NCAM1: variants seen among roughly 807,000 people sequenced by gnomAD.
NCAM1 encodes the protein antigen recognized by monoclonal antibody 5.1H11.
A neutral mutation model predicts 109.8 loss-of-function variants in NCAM1; 14 were observed. The observed-to-expected ratio is 0.13, with a 90% CI of 0.08 to 0.20. The LOEUF (loss-of-function observed/expected upper bound fraction) is 0.20, where lower values mean the gene tolerates loss of function less well. Among genes scored for constraint, NCAM1 ranks in the 10% least tolerant of loss-of-function variants. The pLI is 1.00. For synonymous variants in NCAM1, 418 were observed against 442.9 expected, an observed-to-expected ratio of 0.94 and a Z score of 0.70; for missense variants, 774 against 1,109.9, an observed-to-expected ratio of 0.70 and a Z score of 4.30.
At chr11:113,190,465 A>G (rs963394890) in intron 1 of NCAM1, among the ~76,000 whole-genome samples, 2 of 152,174 alleles carry the variant, frequency 1.3e-5, no homozygotes, top group Non-Finnish European at 2.9e-5. Context: ...GCACCGCCCC[A>G]CGGCCACCAT....
At chr11:113,190,054 A>G (rs1943631856) in intron 1 of NCAM1, among the ~76,000 whole-genome samples, 1 of 152,070 alleles carries the variant, frequency 6.6e-6, no homozygotes, top group Admixed American at 6.5e-5. Context: ...TGTTCCCCCA[A>G]CCTCACTACT....
intron 1 of NCAM1, among the ~76,000 whole-genome samples, chr11:113,165,929 C>T (rs1288724862): frequency 6.6e-6 from 1 of 151,876 alleles, no homozygotes; most frequent in Non-Finnish European, 1.5e-5. Context: ...TCTCCTTTCT[C>T]CTGCCTCAGC....
In NCAM1 at chr11:113,018,745, T is replaced by A. The variant is rs528387707; in HGVS notation, c.52+57081T>A. Among the ~76,000 whole-genome samples, 8 of 152,358 alleles carry A rather than the reference T, an allele frequency of 5.3e-5. No individual in the cohort carries two copies. The South Asian group carries it at 1.0e-3, about 20-fold the overall frequency. ...GGTTGTGCTTGGTTTTTAATTTTTT[T>A]AAGTCATTTAAAACAGACATAGTCT... On this transcript the variant is annotated intron_variant, in intron 1 of 19. Coordinates refer to ENST00000316851, the MANE Select transcript of NCAM1 (RefSeq NM_181351.5).
chr11:113,013,357 C>T (rs1429300211), intron 1 of NCAM1, among the ~76,000 whole-genome samples: 4 of 133,144 alleles, frequency 3.0e-5, no homozygotes, highest in African/African-American at 1.1e-4. Context: ...ACCCAGGAGG[C>T]GGAGGGTTGC....
At chr11:113,271,984 G>T in intron 19 of NCAM1, 108 bp downstream of exon 19, 3 of 739,958 alleles carry the variant, frequency 4.1e-6, no homozygotes, top group Non-Finnish European at 6.3e-6. Context: ...CGGCCAAACA[G>T]TTCAGGCCAG....
At chr11:112,971,952 T>G (rs1950894671) in intron 1 of NCAM1, among the ~76,000 whole-genome samples, 1 of 152,162 alleles carries the variant, frequency 6.6e-6, no homozygotes, top group South Asian at 2.1e-4. Flanking sequence ...AAGACACACT[T>G]GTAATGACTT....
intron 9 of NCAM1, 118 bp downstream of exon 9, chr11:113,221,443 G>A (rs1944691636): frequency 9.4e-7 from 1 of 1,063,126 alleles, no homozygotes; most frequent in Admixed American, 2.2e-5. Flanking sequence ...TAAAGAATAG[G>A]TCGATAGTGG....
chr11:113,235,086 G>A lies in NCAM1; in HGVS notation c.1747G>A (p.Ala583Thr), dbSNP rs782328983. Residue 583 changes from alanine to threonine, a missense_variant, in exon 14 of 20, where the codon GCC (alanine) becomes ACC (threonine). Transcript: ENST00000316851. ...GGGCCTGAAGCCCGAAACAACGTACGCCGTAAGGCTGGCGGCGCTCAATGG... is the reference window on the plus strand; with the variant it reads ...GGGCCTGAAGCCCGAAACAACGTACACCGTAAGGCTGGCGGCGCTCAATGG... ...IVGLKPETTYAVRLAALNGKG... is the reference protein window; with the variant it reads ...IVGLKPETTYTVRLAALNGKG... 6.9e-5 allele frequency: 110 copies of A among 1,596,514 alleles called. No individual in the cohort carries two copies. The highest frequency in any genetic ancestry group is 9.1e-5 in the Non-Finnish European group (107 of 1,171,480).
chr11:113,208,363 A>G lies in NCAM1; in HGVS notation c.916+361A>G, dbSNP rs868938163. Reference sequence around the variant, plus strand: ...CAATGGCCTACAAGACCAGAGATGAACTAGCTCCTGCCTTCTTCTCCAGCC... The same window carrying G: ...CAATGGCCTACAAGACCAGAGATGAGCTAGCTCCTGCCTTCTTCTCCAGCC... On this transcript the variant is annotated intron_variant, in intron 7 of 19. Coordinates refer to ENST00000316851, the MANE Select transcript of NCAM1 (RefSeq NM_181351.5). 3.9e-5 allele frequency among the ~76,000 whole-genome samples: 6 copies of G among 152,268 alleles called. No individual in the cohort carries two copies. In the South Asian group the frequency reaches 6.2e-4, roughly 16 times the overall value.
At chr11:113,044,374 C>T (rs1953188112) in intron 1 of NCAM1, among the ~76,000 whole-genome samples, 1 of 152,164 alleles carries the variant, frequency 6.6e-6, no homozygotes, top group Non-Finnish European at 1.5e-5. Context: ...CACACATACA[C>T]ACATACATGC....
At chr11:113,159,579 G>C (rs1591375106) in intron 1 of NCAM1, among the ~76,000 whole-genome samples, 1 of 151,934 alleles carries the variant, frequency 6.6e-6, no homozygotes, top group Non-Finnish European at 1.5e-5. Flanking sequence ...TATCCTTTCA[G>C]ACTTTTTCTG....
At chr11:113,045,051 G>A (rs969923176) in intron 1 of NCAM1, among the ~76,000 whole-genome samples, 3 of 152,206 alleles carry the variant, frequency 2.0e-5, no homozygotes, top group South Asian at 4.1e-4. Flanking sequence ...ACTGCGCCCG[G>A]CCCTTCGCTT....
rs1470222045 is a variant in NCAM1 at position 112,962,315 on chromosome 11, G to A, written c.52+651G>A. On this transcript the variant is annotated intron_variant, in intron 1 of 19. Coordinates refer to ENST00000316851, the MANE Select transcript of NCAM1 (RefSeq NM_181351.5). This position sits in a 1 kb window ranked among gnomAD's most constrained non-coding sequence, Gnocchi z 5.6. ...TAGTTTTTCATTTGCCAAATTGCTG[G>A]TTAGTTGCAAAGCCTACCCTCGGCC... Among the ~76,000 whole-genome samples the A allele has an allele frequency of 1.3e-5, 2 of 152,208 alleles. No individual in the cohort carries two copies. The highest frequency in any genetic ancestry group is 4.8e-5 in the African/African-American group (2 of 41,458).
intron 1 of NCAM1, among the ~76,000 whole-genome samples, chr11:113,093,456 C>G (rs1939452707): frequency 6.6e-6 from 1 of 152,088 alleles, no homozygotes; most frequent in South Asian, 2.1e-4. Context: ...AAACGTAGTT[C>G]ACATCCTGGT....
At chr11:113,056,237 G>T (rs1053955288) in intron 1 of NCAM1, among the ~76,000 whole-genome samples, 1 of 151,426 alleles carries the variant, frequency 6.6e-6, no homozygotes, top group African/African-American at 2.4e-5. Flanking sequence ...CAGTAGAATG[G>T]TAGAGACTGG....
At chr11:113,209,735 A>G (rs1222639800) in intron 7 of NCAM1, among the ~76,000 whole-genome samples, 1 of 152,270 alleles carries the variant, frequency 6.6e-6, no homozygotes. Flanking sequence ...TCTCATCAGT[A>G]GATTCACAAG....
At chr11:113,064,853 A>C (rs1196083796) in intron 1 of NCAM1, among the ~76,000 whole-genome samples, 3 of 152,232 alleles carry the variant, frequency 2.0e-5, no homozygotes, top group African/African-American at 7.2e-5. Context: ...ATAACGTTTA[A>C]TATAGATCAA....
intron 1 of NCAM1, among the ~76,000 whole-genome samples, chr11:113,187,882 A>G (rs1371153257): frequency 6.6e-6 from 1 of 152,296 alleles, no homozygotes; most frequent in African/African-American, 2.4e-5. Flanking sequence ...ATTACCATTT[A>G]ATAGCTTTCT....
intron 1 of NCAM1, among the ~76,000 whole-genome samples, chr11:112,989,667 G>A (rs138264440): frequency 3.7e-4 from 56 of 152,180 alleles, no homozygotes; most frequent in Middle Eastern, 3.4e-3. Context: ...CTTTGGTGGC[G>A]TCATAATTGC....
Sources: allele counts gnomAD v4.1 joint callset (sites outside exome capture counted in the v4.1 genomes callset), GRCh38; gene constraint gnomAD v4.1.1; non-coding constraint Gnocchi (gnomAD v3.1); transcripts MANE v1.5; gene names NCBI Gene and HGNC (gene_info 2026-07-23, HGNC 2026-07-21).